The following PCDH15 variants were observed in gnomAD, a reference collection of about 807,000 sequenced individuals.
PCDH15 encodes protocadherin related 15, also known as protocadherin-15.
PCDH15 carries 129 observed loss-of-function variants against 178.5 expected under a neutral mutation model. That is an observed-to-expected ratio of 0.72 (90% CI 0.63 to 0.84). PCDH15 has a LOEUF of 0.84. Ranked by LOEUF, PCDH15 falls within the 40% of genes least tolerant of loss-of-function variation. PCDH15 has a pLI of 0.00. For synonymous variants in PCDH15, 800 were observed against 732.0 expected, an observed-to-expected ratio of 1.09 and a Z score of -1.50; for missense variants, 2,230 against 2,099.9, an observed-to-expected ratio of 1.06 and a Z score of -1.21.
intron 1 of PCDH15, among the ~76,000 whole-genome samples, chr10:54,681,476 C>G (rs1219257302): frequency 8.0e-6 from 1 of 124,670 alleles, no homozygotes; most frequent in Non-Finnish European, 1.9e-5. Flanking sequence ...AGAGGGAATG[C>G]CTGAAGCCAA....
intron 13 of PCDH15, among the ~76,000 whole-genome samples, chr10:54,163,918 T>C (rs1431628121): frequency 6.6e-6 from 1 of 152,186 alleles, no homozygotes; most frequent in African/African-American, 2.4e-5. Context: ...ATCTAAACTA[T>C]ACCAAGATGT....
chr10:54,782,282 T>C (rs1316786394), intron 1 of PCDH15, among the ~76,000 whole-genome samples: 1 of 152,140 alleles, frequency 6.6e-6, no homozygotes, highest in Non-Finnish European at 1.5e-5. Flanking sequence ...TAAGTTCCAG[T>C]TCTGACTCCA....
At chr10:55,576,592 T>G (rs1842500023) in intron 2 of PCDH15, among the ~76,000 whole-genome samples, 1 of 152,192 alleles carries the variant, frequency 6.6e-6, no homozygotes, top group African/African-American at 2.4e-5. Context: ...GTAGCAAGAT[T>G]AATAAATTTC....
chr10:54,437,917 C>T (rs1045183814), intron 3 of PCDH15, among the ~76,000 whole-genome samples: 4 of 152,100 alleles, frequency 2.6e-5, no homozygotes, highest in Admixed American at 1.3e-4. Flanking sequence ...TAAATATGCT[C>T]GTTGGAATCT....
At chr10:53,951,203 A>T (rs2086998964) in intron 23 of PCDH15, among the ~76,000 whole-genome samples, 1 of 152,238 alleles carries the variant, frequency 6.6e-6, no homozygotes, top group Non-Finnish European at 1.5e-5. Flanking sequence ...AAGATATGCA[A>T]TTGTAAATAG....
At chr10:54,235,225 G>A (rs2054505879) in intron 9 of PCDH15, among the ~76,000 whole-genome samples, 1 of 152,092 alleles carries the variant, frequency 6.6e-6, no homozygotes. Context: ...TTTTCCCATA[G>A]CATTCACAAC....
chr10:54,672,605 C>A (rs181444408), intron 1 of PCDH15, among the ~76,000 whole-genome samples: 88 of 152,210 alleles, frequency 5.8e-4, no homozygotes, highest in African/African-American at 2.0e-3. Flanking sequence ...CAGACAACAG[C>A]CCTCAGTCAT....
At chr10:55,031,035 T>A (rs981288207) in intron 2 of PCDH15, among the ~76,000 whole-genome samples, 2 of 152,130 alleles carry the variant, frequency 1.3e-5, no homozygotes, top group East Asian at 3.9e-4. Flanking sequence ...ATGCTCAAAG[T>A]AGGCACACAA....
At chr10:53,817,750 C>G (rs1180329800) in intron 34 of PCDH15, among the ~76,000 whole-genome samples, 1 of 151,876 alleles carries the variant, frequency 6.6e-6, no homozygotes, top group African/African-American at 2.4e-5. Context: ...AATAGTAATG[C>G]AGAACAAAAT....
At chr10:55,617,472 A>G (rs1843502932) in intron 2 of PCDH15, among the ~76,000 whole-genome samples, 3 of 152,108 alleles carry the variant, frequency 2.0e-5, no homozygotes, top group African/African-American at 4.8e-5. Context: ...AAAGCAAATG[A>G]CTAGAACAGT....
chr10:55,547,247 C>T (rs1470707891), intron 2 of PCDH15, among the ~76,000 whole-genome samples: 1 of 152,084 alleles, frequency 6.6e-6, no homozygotes, highest in African/African-American at 2.4e-5. Flanking sequence ...ATGGTTATTA[C>T]AGATATCAAT....
chr10:54,177,861 T>C (rs2047596340), intron 13 of PCDH15, among the ~76,000 whole-genome samples: 2 of 152,274 alleles, frequency 1.3e-5, no homozygotes, highest in South Asian at 2.1e-4. Context: ...TATTTTTGGA[T>C]ATGTGCAATT....
chr10:55,237,779 T>C (rs1376730776), intron 1 of PCDH15, among the ~76,000 whole-genome samples: 1 of 152,098 alleles, frequency 6.6e-6, no homozygotes, highest in Non-Finnish European at 1.5e-5. Flanking sequence ...CCTTGGTAGA[T>C]TGAATGCATT....
intron 1 of PCDH15, among the ~76,000 whole-genome samples, chr10:54,700,410 A>T (rs1273930160): frequency 6.6e-6 from 1 of 152,108 alleles, no homozygotes; most frequent in Non-Finnish European, 1.5e-5. Context: ...ATTGATAGGG[A>T]TGAAGATTAC....
intron 2 of PCDH15, among the ~76,000 whole-genome samples, chr10:55,020,780 A>G (rs1000384190): frequency 6.6e-6 from 1 of 152,112 alleles, no homozygotes; most frequent in African/African-American, 2.4e-5. Context: ...TTAACTGTAA[A>G]GGTTTTCTGT....
At chr10:55,008,632 G>C (rs1267966192) in intron 2 of PCDH15, among the ~76,000 whole-genome samples, 1 of 152,050 alleles carries the variant, frequency 6.6e-6, no homozygotes, top group African/African-American at 2.4e-5. Context: ...AATGTCATCT[G>C]ATATCTAACT....
At chr10:54,993,581 A>T (rs956028152) in intron 2 of PCDH15, among the ~76,000 whole-genome samples, 3 of 152,100 alleles carry the variant, frequency 2.0e-5, no homozygotes, top group South Asian at 2.1e-4. Context: ...CAGCTACTCA[A>T]ATTCACACTG....
At chr10:55,478,469 C>G (rs536973065) in intron 2 of PCDH15, among the ~76,000 whole-genome samples, 1 of 151,112 alleles carries the variant, frequency 6.6e-6, no homozygotes, top group South Asian at 2.1e-4. Context: ...ACACAATATA[C>G]CAAAACCTAT....
At position 53,807,059 on chromosome 10, in the gene PCDH15, A is replaced by ACTGT. The variant is rs1554814927; in HGVS notation, c.4739_4742dup (p.Ser1581ArgfsTer5). 1 of 1,613,334 alleles carries ACTGT rather than the reference A, an allele frequency of 6.2e-7. No homozygotes were observed. The highest frequency in any genetic ancestry group is 8.5e-7 in the Non-Finnish European group (1 of 1,179,760). The stretch of plus-strand genomic sequence containing the variant: ...GACGGTTTCTCTGACATTCAGGAGC[A>ACTGT]CTGTCTTCTCCAGTTGAGCTGGTTT... On this transcript the variant is annotated frameshift_variant, in exon 38 of 38. Transcript: ENST00000644397. LOFTEE classifies it high-confidence loss of function.
Sources: allele counts gnomAD v4.1 joint callset (sites outside exome capture counted in the v4.1 genomes callset), GRCh38; gene constraint gnomAD v4.1.1; transcripts MANE v1.5; gene names NCBI Gene and HGNC (gene_info 2026-07-23, HGNC 2026-07-21).